The following ZMYND8 variants were observed in gnomAD, a reference collection of about 807,000 sequenced individuals.
ZMYND8 encodes the protein MYND-type zinc finger-containing chromatin reader ZMYND8.
ZMYND8 carries 37 observed loss-of-function variants against 140.8 expected under a neutral mutation model. The observed-to-expected ratio is 0.26, with a 90% confidence interval of 0.20 to 0.35. The LOEUF is 0.35. Among genes scored for constraint, ZMYND8 ranks in the 10% least tolerant of loss-of-function variants. The pLI is 1.00. For synonymous variants in ZMYND8, 592 were observed against 597.1 expected, an observed-to-expected ratio of 0.99 and a Z score of 0.12; for missense variants, 1,068 against 1,570.0, an observed-to-expected ratio of 0.68 and a Z score of 5.40.
intron 1 of ZMYND8, 36 bp from the exon 2 acceptor site, chr20:47,347,962 G>A: frequency 6.2e-7 from 1 of 1,608,076 alleles, no homozygotes; most frequent in Non-Finnish European, 8.5e-7. Context: ...GTTTAGGAAG[G>A]CTGAGAACTT....
chr20:47,320,805 C>T (rs2079879072), intron 2 of ZMYND8: 1 of 152,196 alleles, frequency 6.6e-6, no homozygotes, highest in Non-Finnish European at 1.5e-5. Flanking sequence ...GTCTACAGGG[C>T]TCATGGGTGC....
chr20:47,278,593 T>C (rs562263779), intron 10 of ZMYND8, among the ~76,000 whole-genome samples: 4 of 151,816 alleles, frequency 2.6e-5, no homozygotes, highest in Non-Finnish European at 4.4e-5. Context: ...GAATTCACAA[T>C]ACAGGCGGAT....
chr20:47,249,562 T>C, intron 12 of ZMYND8, 123 bp from the exon 13 acceptor site: 1 of 1,351,084 alleles, frequency 7.4e-7, no homozygotes, highest in Non-Finnish European at 1.0e-6. Context: ...AGATACTTTT[T>C]TTGTCATTCA....
At chr20:47,284,540 A>C (rs1315246316) in intron 8 of ZMYND8, among the ~76,000 whole-genome samples, 1 of 152,142 alleles carries the variant, frequency 6.6e-6, no homozygotes. Context: ...TCAAAGCCAC[A>C]TGTGATCTGG....
At chr20:47,214,554 C>T (rs1452600815) in intron 21 of ZMYND8, among the ~76,000 whole-genome samples, 3 of 152,184 alleles carry the variant, frequency 2.0e-5, no homozygotes, top group Non-Finnish European at 4.4e-5. Context: ...AATGCAGTGG[C>T]ACGGTCTCAA....
chr20:47,227,518 A>G (rs1253727823), intron 17 of ZMYND8, among the ~76,000 whole-genome samples: 1 of 152,254 alleles, frequency 6.6e-6, no homozygotes, highest in Non-Finnish European at 1.5e-5. Context: ...AGGGAAAGCC[A>G]CTTAAAGTGA....
intron 4 of ZMYND8, among the ~76,000 whole-genome samples, chr20:47,295,271 T>C (rs1356046405): frequency 6.6e-6 from 1 of 152,146 alleles, no homozygotes; most frequent in African/African-American, 2.4e-5. Context: ...CACGCATCCG[T>C]AGTCCCAGCT....
chr20:47,321,257 C>A (rs918110396), intron 2 of ZMYND8, among the ~76,000 whole-genome samples: 9 of 152,128 alleles, frequency 5.9e-5, no homozygotes, highest in African/African-American at 2.2e-4. Context: ...TCAGTACACG[C>A]CCCCATCATC....
intron 2 of ZMYND8, among the ~76,000 whole-genome samples, chr20:47,335,155 G>A (rs572605826): frequency 1.3e-5 from 2 of 152,124 alleles, no homozygotes; most frequent in East Asian, 3.9e-4. Context: ...GCTGCAGTGG[G>A]AGGACTGCTT....
At chr20:47,219,055 A>AATTTTTTTTTTTTTTTTTTTTTTTTTT (rs2036541049) in intron 21 of ZMYND8, among the ~76,000 whole-genome samples, 1 of 110,944 alleles carries the variant, frequency 9.0e-6, no homozygotes. Flanking sequence ...CGTTTCTACA[A>AATTTTTTTTTTTTTTTTTTTTTTTTTT]TTTTTTTTTT....
chr20:47,333,724 C>CAAAAAAAAAAA (rs57968979), intron 2 of ZMYND8, among the ~76,000 whole-genome samples: 5 of 29,742 alleles, frequency 1.7e-4, no homozygotes, highest in Admixed American at 5.6e-4. Flanking sequence ...GACTCCGTCT[C>CAAAAAAAAAAA]AAAAAAAAAA....
At chr20:47,333,752 A>C (rs1001081530) in intron 2 of ZMYND8, among the ~76,000 whole-genome samples, 5 of 142,178 alleles carry the variant, frequency 3.5e-5, no homozygotes, top group African/African-American at 8.2e-5. Flanking sequence ...AAAAAAAAAA[A>C]AAAACATTAG....
intron 8 of ZMYND8, among the ~76,000 whole-genome samples, chr20:47,286,892 C>T (rs2076958350): frequency 6.6e-6 from 1 of 152,160 alleles, no homozygotes; most frequent in Admixed American, 6.5e-5. Context: ...CAAAAGGGAC[C>T]TGAAACAATA....
chr20:47,242,479 AG>A (rs1340205805), intron 14 of ZMYND8, among the ~76,000 whole-genome samples: 1 of 152,244 alleles, frequency 6.6e-6, no homozygotes. Flanking sequence ...AGAGGAGGGC[AG>A]GGGGCAGTGC....
At chr20:47,242,071 C>T (rs567848799) in intron 14 of ZMYND8, among the ~76,000 whole-genome samples, 39 of 152,320 alleles carry the variant, frequency 2.6e-4, no homozygotes, top group Non-Finnish European at 5.3e-4. Context: ...CCCGCCTCGG[C>T]CTCCCAAAGT....
intron 18 of ZMYND8, 79 bp from the exon 19 acceptor site, chr20:47,224,635 G>C: frequency 6.3e-7 from 1 of 1,583,486 alleles, no homozygotes; most frequent in South Asian, 1.1e-5. Context: ...CCCAGATTCA[G>C]GCAGACGTGG....
chr20:47,214,392 G>A (rs1296531386), intron 21 of ZMYND8, among the ~76,000 whole-genome samples: 2 of 152,202 alleles, frequency 1.3e-5, no homozygotes, highest in African/African-American at 4.8e-5. Context: ...GGCACTGACT[G>A]CAAAACGCAC....
At chr20:47,239,208 G>A (rs1030454349) in intron 14 of ZMYND8, 70 bp from the exon 15 acceptor site, 7 of 1,456,042 alleles carry the variant, frequency 4.8e-6, no homozygotes, top group Admixed American at 2.4e-5. Context: ...CGGTCTTGAC[G>A]CCACCAAGTT....
intron 1 of ZMYND8, chr20:47,355,372 C>G: frequency 1.1e-6 from 1 of 894,572 alleles, no homozygotes; most frequent in Non-Finnish European, 1.3e-6. Flanking sequence ...TAGCCAAGAC[C>G]CACTATTACA....
Sources: gnomAD v4.1 joint callset for allele counts (sites outside exome capture counted in the v4.1 genomes callset) on GRCh38, gnomAD v4.1.1 for gene constraint, MANE v1.5 for transcripts, NCBI Gene and HGNC (gene_info 2026-07-23, HGNC 2026-07-21) for gene names.